The following ENTREP2 variants were observed in gnomAD, a reference collection of about 807,000 sequenced individuals.
ENTREP2 encodes endosomal transmembrane epsin interactor 2, also known as protein ENTREP2.
the ENTREP2 span, among the ~76,000 whole-genome samples, chr15:29,222,984 T>C: frequency 2.1e-3 from 323 of 152,292 alleles, no homozygotes; most frequent in African/African-American, 7.3e-3. Flanking sequence ...TGTCGTGTGT[T>C]TCCAGGCAAA....
the ENTREP2 span, among the ~76,000 whole-genome samples, chr15:29,628,000 A>G: frequency 2.0e-5 from 3 of 152,230 alleles, no homozygotes; most frequent in African/African-American, 2.4e-5. Flanking sequence ...GTATATACCC[A>G]GAAGTTAGAT....
chr15:29,492,864 C>G, the ENTREP2 span, among the ~76,000 whole-genome samples: 3 of 151,480 alleles, frequency 2.0e-5, no homozygotes, highest in African/African-American at 4.8e-5. Context: ...ATTAGCCAGG[C>G]GTGGTGGCGG....
chr15:29,410,248 C>A, the ENTREP2 span, among the ~76,000 whole-genome samples: 3 of 152,284 alleles, frequency 2.0e-5, no homozygotes, highest in East Asian at 5.8e-4. Flanking sequence ...ATACTTAGTT[C>A]ATCTCCGCAA....
the ENTREP2 span, among the ~76,000 whole-genome samples, chr15:29,407,838 T>TG: frequency 0.092 from 13,988 of 151,686 alleles, 836 homozygotes; most frequent in East Asian, 0.3. Flanking sequence ...ACTAATTTTT[T>TG]GGGGTTTTTT....
chr15:29,488,257 G>C, the ENTREP2 span, among the ~76,000 whole-genome samples: 1 of 152,122 alleles, frequency 6.6e-6, no homozygotes, highest in Middle Eastern at 3.2e-3. Flanking sequence ...CAAATTCTAA[G>C]GTCAAAAAGT....
At chr15:29,483,164 G>C in the ENTREP2 span, among the ~76,000 whole-genome samples, 1 of 152,148 alleles carries the variant, frequency 6.6e-6, no homozygotes, top group Non-Finnish European at 1.5e-5. Context: ...CAGGTTGTTT[G>C]CCCATTTTTT....
At chr15:29,137,122 GGGTCTGGT>G in the ENTREP2 span, 1 of 1,473,592 alleles carries the variant, frequency 6.8e-7, no homozygotes, top group Non-Finnish European at 8.9e-7. Context: ...TCGAAATCCA[GGGTCTGGT>G]GGAGAACGGT....
the ENTREP2 span, among the ~76,000 whole-genome samples, chr15:29,449,321 T>A: frequency 6.6e-6 from 1 of 152,076 alleles, no homozygotes; most frequent in South Asian, 2.1e-4. Flanking sequence ...CATGAAACGA[T>A]GTGTTTGAGC....
chr15:29,192,136 G>A, the ENTREP2 span, among the ~76,000 whole-genome samples: 10 of 152,302 alleles, frequency 6.6e-5, no homozygotes, highest in African/African-American at 2.2e-4. Context: ...CAGCAATCAT[G>A]AGGGGACAGG....
At chr15:29,303,045 G>A in the ENTREP2 span, among the ~76,000 whole-genome samples, 2 of 152,080 alleles carry the variant, frequency 1.3e-5, no homozygotes, top group Non-Finnish European at 2.9e-5. Flanking sequence ...CAAAGGGGCC[G>A]CTTCTACTCG....
the ENTREP2 span, among the ~76,000 whole-genome samples, chr15:29,560,142 T>C: frequency 4.6e-5 from 7 of 152,142 alleles, no homozygotes; most frequent in African/African-American, 2.4e-5. Context: ...GTCTGTATTT[T>C]TGAAGAAGAA....
At chr15:29,162,108 T>C in the ENTREP2 span, among the ~76,000 whole-genome samples, 13 of 152,272 alleles carry the variant, frequency 8.5e-5, no homozygotes, top group African/African-American at 2.6e-4. Flanking sequence ...TGAGTCAATT[T>C]AGAGAGTCGA....
chr15:29,204,564 T>A, the ENTREP2 span, among the ~76,000 whole-genome samples: 1 of 152,088 alleles, frequency 6.6e-6, no homozygotes, highest in Non-Finnish European at 1.5e-5. Context: ...GTCAGACTAC[T>A]CACAGTCCTA....
At chr15:29,646,533 CCTT>C in the ENTREP2 span, among the ~76,000 whole-genome samples, 1 of 152,154 alleles carries the variant, frequency 6.6e-6, no homozygotes. Context: ...GGCTCTTTCT[CCTT>C]CTGCCTTCTC....
chr15:29,648,679 T>G, the ENTREP2 span, among the ~76,000 whole-genome samples: 1 of 152,204 alleles, frequency 6.6e-6, no homozygotes, highest in Non-Finnish European at 1.5e-5. Context: ...GGCTCATGCC[T>G]GTAATCCCAG....
the ENTREP2 span, among the ~76,000 whole-genome samples, chr15:29,406,376 A>G: frequency 6.6e-6 from 1 of 152,126 alleles, no homozygotes; most frequent in Non-Finnish European, 1.5e-5. Flanking sequence ...GCGAAACCGC[A>G]TCTCTACTAA....
At chr15:29,490,755 C>G in the ENTREP2 span, among the ~76,000 whole-genome samples, 2 of 152,200 alleles carry the variant, frequency 1.3e-5, no homozygotes, top group Non-Finnish European at 2.9e-5. Flanking sequence ...AATCCTCCAG[C>G]TAGACATAAA....
chr15:29,563,760 C>A, the ENTREP2 span, among the ~76,000 whole-genome samples: 21 of 151,950 alleles, frequency 1.4e-4, no homozygotes, highest in African/African-American at 4.8e-4. Context: ...TCGCTTGAAC[C>A]CGGGAGGCTG....
chr15:29,538,909 C>CA, the ENTREP2 span, among the ~76,000 whole-genome samples: 1 of 152,086 alleles, frequency 6.6e-6, no homozygotes, highest in Non-Finnish European at 1.5e-5. Flanking sequence ...CCTCAGATTC[C>CA]ACCAGCATAT....
Sources: gnomAD v4.1 joint callset for allele counts (sites outside exome capture counted in the v4.1 genomes callset) on GRCh38, gnomAD v4.1.1 for gene constraint, MANE v1.5 for transcripts, NCBI Gene and HGNC (gene_info 2026-07-23, HGNC 2026-07-21) for gene names.